The following NAMPT variants were observed in gnomAD, a reference collection of about 807,000 sequenced individuals.
NAMPT encodes the protein nicotinamide phosphoribosyltransferase.
A neutral mutation model predicts 58.7 loss-of-function variants in NAMPT; 7 were observed. That is an observed-to-expected ratio of 0.12 (90% CI 0.07 to 0.22). NAMPT has a LOEUF of 0.22. Among genes scored for constraint, NAMPT ranks in the 10% least tolerant of loss-of-function variants. NAMPT has a pLI of 1.00. For missense variants in NAMPT, 271 were observed against 567.9 expected, an observed-to-expected ratio of 0.48 and a Z score of 5.31; for synonymous variants, 145 against 198.1, an observed-to-expected ratio of 0.73 and a Z score of 2.25.
chr7:106,282,139 C>T (rs1409971620), intron 1 of NAMPT, among the ~76,000 whole-genome samples: 2 of 152,052 alleles, frequency 1.3e-5, no homozygotes, highest in Non-Finnish European at 2.9e-5. Flanking sequence ...CGTGACAATA[C>T]CGAAGCATCC....
At chr7:106,271,751 T>C (rs917699713) in intron 4 of NAMPT, 1 of 152,386 alleles carries the variant, frequency 6.6e-6, no homozygotes, top group African/African-American at 2.4e-5. Context: ...TTTTACAATA[T>C]AATAGCAAAT....
intron 8 of NAMPT, among the ~76,000 whole-genome samples, chr7:106,256,210 C>A (rs1188176640): frequency 6.6e-6 from 1 of 152,124 alleles, no homozygotes; most frequent in Non-Finnish European, 1.5e-5. Context: ...TGAAACACAA[C>A]AGAAAAAGAA....
At chr7:106,258,225 A>C (rs1562812883) in intron 8 of NAMPT, among the ~76,000 whole-genome samples, 1 of 152,216 alleles carries the variant, frequency 6.6e-6, no homozygotes, top group Non-Finnish European at 1.5e-5. Context: ...CAAGAGATCT[A>C]TTCCGGACGC....
At chr7:106,266,314 A>C (rs1792406859) in intron 6 of NAMPT, among the ~76,000 whole-genome samples, 1 of 152,228 alleles carries the variant, frequency 6.6e-6, no homozygotes, top group African/African-American at 2.4e-5. Flanking sequence ...CATTTTAACA[A>C]GTCCTAAAGA....
chr7:106,276,939 C>A, intron 2 of NAMPT, 84 bp downstream of exon 2: 1 of 1,098,570 alleles, frequency 9.1e-7, no homozygotes, highest in Non-Finnish European at 1.3e-6. Context: ...TCCAAATTAA[C>A]AGATTTGTTA....
At chr7:106,276,404 G>T (rs1792643966) in intron 2 of NAMPT, 1 of 152,130 alleles carries the variant, frequency 6.6e-6, no homozygotes, top group Non-Finnish European at 1.5e-5. Flanking sequence ...GGTAAAACTG[G>T]CTAATATAAA....
intron 8 of NAMPT, among the ~76,000 whole-genome samples, chr7:106,260,691 C>T (rs1392357800): frequency 6.6e-6 from 1 of 152,208 alleles, no homozygotes; most frequent in Non-Finnish European, 1.5e-5. Context: ...TGTGACTTTT[C>T]CATTCACTTG....
chr7:106,254,522 A>C lies in NAMPT; in HGVS notation c.1090-18T>G. 2 of 1,611,014 alleles carry C rather than the reference A, an allele frequency of 1.2e-6. No individual in the cohort carries two copies. The highest frequency in any genetic ancestry group is 1.7e-6 in the Non-Finnish European group (2 of 1,177,654). On this transcript the variant is annotated intron_variant, in intron 8 of 10. Coordinates refer to ENST00000222553, the MANE Select transcript of NAMPT (RefSeq NM_005746.3). ...TCTACAATCTAGAAGATTAAAACAA[A>C]ACAAAACCAAACCAAACCTTAATTT...
intron 9 of NAMPT, 90 bp downstream of exon 9, chr7:106,254,274 A>T: frequency 6.9e-7 from 1 of 1,446,186 alleles, no homozygotes; most frequent in East Asian, 2.3e-5. Flanking sequence ...CCACGGCCAC[A>T]TCAATCTTTG....
chr7:106,265,225 A>G (rs537926475), intron 6 of NAMPT, among the ~76,000 whole-genome samples: 1 of 152,250 alleles, frequency 6.6e-6, no homozygotes, highest in South Asian at 2.1e-4. Context: ...AGAACTTTAC[A>G]ACGTATGAAT....
At chr7:106,259,878 CTTTT>C (rs78910620) in intron 8 of NAMPT, among the ~76,000 whole-genome samples, 3 of 132,828 alleles carry the variant, frequency 2.3e-5, no homozygotes, top group Non-Finnish European at 3.1e-5. Context: ...TCGAAACAAT[CTTTT>C]TTTTTTTTTT....
At chr7:106,268,366 TG>T in intron 6 of NAMPT, 97 bp downstream of exon 6, 1 of 1,050,244 alleles carries the variant, frequency 9.5e-7, no homozygotes, top group South Asian at 1.6e-5. Flanking sequence ...GAAGATGTAC[TG>T]TAGGTACCTG....
intron 8 of NAMPT, among the ~76,000 whole-genome samples, chr7:106,260,393 G>T (rs1792282641): frequency 6.6e-6 from 1 of 152,248 alleles, no homozygotes; most frequent in Non-Finnish European, 1.5e-5. Context: ...AGGCTTCACA[G>T]AATTGAAACG....
At chr7:106,262,848 GCAT>G (rs1792333723) in intron 7 of NAMPT, among the ~76,000 whole-genome samples, 1 of 151,900 alleles carries the variant, frequency 6.6e-6, no homozygotes, top group South Asian at 2.1e-4. Flanking sequence ...CTAGTAGTAG[GCAT>G]CAAATAAGCC....
chr7:106,270,343 A>G, intron 4 of NAMPT: 1 of 347,906 alleles, frequency 2.9e-6, no homozygotes, highest in South Asian at 2.2e-5. Flanking sequence ...CTGAACCAAA[A>G]AGATATTAAC....
At chr7:106,256,229 C>G (rs1192082911) in intron 8 of NAMPT, among the ~76,000 whole-genome samples, 2 of 152,210 alleles carry the variant, frequency 1.3e-5, no homozygotes, top group Non-Finnish European at 2.9e-5. Flanking sequence ...AAGATAGGCG[C>G]TCTGTATTTT....
intron 6 of NAMPT, among the ~76,000 whole-genome samples, chr7:106,267,961 G>C (rs1427751375): frequency 6.7e-6 from 1 of 148,708 alleles, no homozygotes; most frequent in East Asian, 2.0e-4. Flanking sequence ...GGTAACTGGA[G>C]ATAGTTTACT....
intron 8 of NAMPT, 78 bp downstream of exon 8, chr7:106,261,510 T>C: frequency 3.5e-6 from 4 of 1,148,468 alleles, no homozygotes; most frequent in Non-Finnish European, 5.0e-6. Flanking sequence ...ATTGTATTTA[T>C]ATTGTGTTCT....
chr7:106,248,331 CAT>C lies in NAMPT; in HGVS notation c.*2750_*2751del, dbSNP rs1792051320. On this transcript the variant is annotated 3_prime_UTR_variant, in exon 11 of 11. Coordinates refer to ENST00000222553, the MANE Select transcript of NAMPT (RefSeq NM_005746.3). ...CTAAACTTTATTTCCATGTTTATTA[CAT>C]GTTTATAACTTGATGTTGAGTACAT... is the stretch of plus-strand genomic sequence containing the variant. The C allele has an allele frequency of 6.6e-6, 1 of 152,476 alleles. No homozygotes were observed. Among genetic ancestry groups the C allele is most frequent in the Admixed American group, 6.6e-5 (1 of 15,244 alleles). The allele number at this position is 152,476 out of a possible 1,614,324, so 9.4% of individuals were successfully genotyped here. A position where few individuals can be genotyped will look rare whatever the true frequency, so the allele number is the denominator to read the frequency against.
Sources: gnomAD v4.1 joint callset for allele counts (sites outside exome capture counted in the v4.1 genomes callset) on GRCh38, gnomAD v4.1.1 for gene constraint, MANE v1.5 for transcripts, NCBI Gene and HGNC (gene_info 2026-07-23, HGNC 2026-07-21) for gene names.